Variants in SLC22A16 observed in about 807,000 individuals in gnomAD.
SLC22A16 encodes solute carrier family 22 member 16.
SLC22A16 carries 53 observed loss-of-function variants against 52.9 expected under a neutral mutation model. That is an observed-to-expected ratio of 1.00 (90% CI 0.80 to 1.26). The LOEUF is 1.26. Among genes scored for constraint, SLC22A16 ranks in the 50% most tolerant of loss-of-function variants. The pLI is 0.00. For missense variants in SLC22A16, 726 were observed against 704.0 expected (o/e 1.03, Z -0.35); for synonymous variants, 291 against 268.8 (o/e 1.08, Z -0.81).
At position 110,424,819 on chromosome 6, in the gene SLC22A16, C is replaced by A. The variant is rs1374034981; in HGVS notation, c.*54G>T. On this transcript the variant is annotated 3_prime_UTR_variant, in exon 8 of 8. Transcript: ENST00000368919. ...AGATGAGAATAAGATTCCTCTAATACAAAGGCATTAGGGTAAATAATATTT... is the reference window on the plus strand; with the variant it reads ...AGATGAGAATAAGATTCCTCTAATAAAAAGGCATTAGGGTAAATAATATTT... 4.4e-6 allele frequency: 7 copies of A among 1,599,790 alleles called. No homozygotes were observed. Among genetic ancestry groups the A allele is most frequent in the Non-Finnish European group, 6.0e-6 (7 of 1,169,426 alleles).
chr6:110,425,250 C>T (rs1046226843), intron 7 of SLC22A16, 165 bp from the exon 8 acceptor site: 15 of 1,516,770 alleles, frequency 9.9e-6, no homozygotes, highest in Middle Eastern at 1.7e-4. Context: ...TGCTGGACTT[C>T]GAGTTCTTTT....
At chr6:110,436,520 A>G (rs1774737553) in intron 5 of SLC22A16, among the ~76,000 whole-genome samples, 1 of 152,140 alleles carries the variant, frequency 6.6e-6, no homozygotes, top group African/African-American at 2.4e-5. Context: ...CAGCTACTGG[A>G]GAAGCTAAGG....
At chr6:110,468,987 C>T (rs1341122740) in intron 1 of SLC22A16, among the ~76,000 whole-genome samples, 2 of 152,146 alleles carry the variant, frequency 1.3e-5, no homozygotes, top group African/African-American at 4.8e-5. Flanking sequence ...CAGGCTTGTC[C>T]ATTCAGAAGG....
chr6:110,453,913 A>G (rs1011728242), intron 2 of SLC22A16, among the ~76,000 whole-genome samples: 3 of 152,218 alleles, frequency 2.0e-5, no homozygotes, highest in Non-Finnish European at 4.4e-5. Context: ...ACATGTAAAG[A>G]GAGAGAAACC....
At chr6:110,472,117 C>T (rs1776279778) in intron 1 of SLC22A16, among the ~76,000 whole-genome samples, 1 of 152,170 alleles carries the variant, frequency 6.6e-6, no homozygotes, top group Non-Finnish European at 1.5e-5. Context: ...CTAGGCCTGC[C>T]CCGCCTGGAG....
At chr6:110,473,546 A>T (rs1582599997) in intron 1 of SLC22A16, among the ~76,000 whole-genome samples, 1 of 82,756 alleles carries the variant, frequency 1.2e-5, no homozygotes, top group Admixed American at 2.2e-4. Context: ...TTTTTTTGAG[A>T]CGGAATCTCG....
At chr6:110,470,637 TTC>T (rs200266589) in intron 1 of SLC22A16, among the ~76,000 whole-genome samples, 84 of 151,866 alleles carry the variant, frequency 5.5e-4, no homozygotes, top group Admixed American at 5.3e-3. Context: ...ACCAGAACTA[TTC>T]TCTCTCTCTC....
intron 1 of SLC22A16, among the ~76,000 whole-genome samples, chr6:110,459,602 A>G (rs1775793377): frequency 6.6e-6 from 1 of 152,192 alleles, no homozygotes; most frequent in Admixed American, 6.5e-5. Context: ...GGAAGAGGAC[A>G]CTTGGAAAAA....
chr6:110,476,248 G>T, intron 1 of SLC22A16: 1 of 954,256 alleles, frequency 1.0e-6, no homozygotes, highest in Non-Finnish European at 1.4e-6. Context: ...CTGCCGCGGA[G>T]AGCACGCACC....
chr6:110,452,790 T>C (rs144803461), intron 2 of SLC22A16, among the ~76,000 whole-genome samples: 11 of 152,376 alleles, frequency 7.2e-5, no homozygotes, highest in African/African-American at 1.7e-4. Flanking sequence ...CTATTTTTAG[T>C]TTTTATGATG....
At chr6:110,464,385 A>G (rs190120387) in intron 1 of SLC22A16, among the ~76,000 whole-genome samples, 3 of 152,106 alleles carry the variant, frequency 2.0e-5, no homozygotes, top group Admixed American at 2.0e-4. Flanking sequence ...AAAGGTAAAC[A>G]AAATTGTTAG....
At chr6:110,427,308 T>A (rs182718045) in intron 7 of SLC22A16, among the ~76,000 whole-genome samples, 1 of 151,906 alleles carries the variant, frequency 6.6e-6, no homozygotes, top group East Asian at 1.9e-4. Flanking sequence ...TTCTTGACCC[T>A]TTTATAATCT....
intron 7 of SLC22A16, 185 bp from the exon 8 acceptor site, chr6:110,425,270 C>A: frequency 1.3e-6 from 2 of 1,509,550 alleles, no homozygotes; most frequent in Non-Finnish European, 1.8e-6. Flanking sequence ...TCCTCATCAA[C>A]GAGGTTTAAT....
intron 4 of SLC22A16, chr6:110,439,905 T>G (rs949895846): frequency 6.6e-6 from 1 of 152,178 alleles, no homozygotes; most frequent in African/African-American, 2.4e-5. Context: ...TAACTAAAAT[T>G]TATAAATTAA....
intron 1 of SLC22A16, among the ~76,000 whole-genome samples, chr6:110,469,405 G>A (rs1358712937): frequency 6.6e-6 from 1 of 152,080 alleles, no homozygotes; most frequent in Non-Finnish European, 1.5e-5. Flanking sequence ...ACAAAAATTA[G>A]CCAGGCAGTT....
intron 2 of SLC22A16, 84 bp from the exon 3 acceptor site, chr6:110,447,074 C>T: frequency 9.5e-7 from 1 of 1,056,388 alleles, no homozygotes; most frequent in Non-Finnish European, 1.4e-6. Flanking sequence ...AAAAGATAGG[C>T]ATTACCTATA....
intron 2 of SLC22A16, among the ~76,000 whole-genome samples, chr6:110,448,911 A>G (rs1156974009): frequency 6.6e-6 from 1 of 152,052 alleles, no homozygotes; most frequent in Non-Finnish European, 1.5e-5. Context: ...CTTCCTCTGA[A>G]ACCCTTCACT....
chr6:110,451,718 T>C (rs1275336241), intron 2 of SLC22A16, among the ~76,000 whole-genome samples: 2 of 152,230 alleles, frequency 1.3e-5, no homozygotes, highest in Non-Finnish European at 2.9e-5. Context: ...CACACATTCA[T>C]GTCTTTCCTC....
rs1774183886 is a variant in SLC22A16, at chr6:110,424,835, A to G, written c.*38T>C. The G allele has an allele frequency of 6.2e-7, 1 of 1,611,994 alleles. No individual in the cohort carries two copies. Among genetic ancestry groups the G allele is most frequent in the Non-Finnish European group, 8.5e-7 (1 of 1,178,494 alleles). On this transcript the variant is annotated 3_prime_UTR_variant, in exon 8 of 8. Coordinates refer to ENST00000368919, the MANE Select transcript of SLC22A16 (RefSeq NM_033125.4). ...CCTCTAATACAAAGGCATTAGGGTAAATAATATTTCAGGTGCTAGACAGCA... is the reference window on the plus strand; with the variant it reads ...CCTCTAATACAAAGGCATTAGGGTAGATAATATTTCAGGTGCTAGACAGCA...
Sources: gnomAD v4.1 joint callset for allele counts (sites outside exome capture counted in the v4.1 genomes callset) on GRCh38, gnomAD v4.1.1 for gene constraint, MANE v1.5 for transcripts, NCBI Gene and HGNC (gene_info 2026-07-23, HGNC 2026-07-21) for gene names.